FARS2: variants seen among roughly 807,000 people sequenced by gnomAD.
The protein encoded by FARS2 is phenylalanine--tRNA ligase, mitochondrial.
A neutral mutation model predicts 46.4 loss-of-function variants in FARS2; 40 were observed. The ratio of observed to expected loss-of-function variants is 0.86; its 90% confidence interval spans 0.67 to 1.12. FARS2 has a LOEUF of 1.12. Ranked by LOEUF, FARS2 falls within the 50% of genes most tolerant of loss-of-function variation. The probability of loss-of-function intolerance (pLI) is 0.00; values close to 1 mark genes in which losing one functional copy is unlikely to be tolerated. For missense variants in FARS2, 513 were observed against 567.9 expected, an observed-to-expected ratio of 0.90 and a Z score of 0.98; for synonymous variants, 234 against 214.9, an observed-to-expected ratio of 1.09 and a Z score of -0.78.
rs1028685713 is a variant in FARS2, at chr6:5,764,545, T to C, written c.1218-6746T>C. On this transcript the variant is annotated intron_variant, in intron 6 of 6. Transcript: ENST00000274680. This position sits in a 1 kb window ranked among gnomAD's most constrained non-coding sequence, Gnocchi z 4.1. ...CGGGGAAACCCAGTGTTTGTTACTC[T>C]GAAAATGGAAGCTGCCCCGTGACAG... Among the ~76,000 whole-genome samples, 3 of 152,154 alleles carry C rather than the reference T, an allele frequency of 2.0e-5. No homozygotes were observed. Among genetic ancestry groups the C allele is most frequent in the Non-Finnish European group, 4.4e-5 (3 of 68,022 alleles).
At position 5,765,395 on chromosome 6, in the gene FARS2, G is replaced by A. The variant is rs1472703508; in HGVS notation, c.1218-5896G>A. On this transcript the variant is annotated intron_variant, in intron 6 of 6. Coordinates refer to ENST00000274680, the MANE Select transcript of FARS2 (RefSeq NM_006567.5). The surrounding 1 kb of genome is among the most constrained non-coding windows in gnomAD (Gnocchi z 4.0). The stretch of plus-strand genomic sequence containing the variant: ...AAGGGGAGCTGACGGGCGGCAGTGG[G>A]AGAGTGGAAGAGGTGGGCCCTGGGC... Among the ~76,000 whole-genome samples the A allele has an allele frequency of 6.6e-6, 1 of 152,266 alleles. No homozygotes were observed. The highest frequency in any genetic ancestry group is 1.5e-5 in the Non-Finnish European group (1 of 68,048).
chr6:5,458,825 A>C (rs193063622), intron 4 of FARS2, among the ~76,000 whole-genome samples: 4 of 152,340 alleles, frequency 2.6e-5, no homozygotes, highest in Admixed American at 2.6e-4. Flanking sequence ...ATTTGATTGC[A>C]GGAAGAATGA....
chr6:5,534,170 A>T (rs1228739482), intron 4 of FARS2, among the ~76,000 whole-genome samples: 1 of 152,234 alleles, frequency 6.6e-6, no homozygotes, highest in Non-Finnish European at 1.5e-5. Flanking sequence ...GTGATGAGAA[A>T]AAATATATGT....
At chr6:5,647,985 A>G (rs190652118) in intron 6 of FARS2, among the ~76,000 whole-genome samples, 22 of 152,342 alleles carry the variant, frequency 1.4e-4, no homozygotes, top group South Asian at 6.2e-4. Context: ...GAATGGAAGT[A>G]ATAATATTTT....
At chr6:5,328,580 A>G (rs988083688) in intron 1 of FARS2, among the ~76,000 whole-genome samples, 1 of 151,916 alleles carries the variant, frequency 6.6e-6, no homozygotes, top group Non-Finnish European at 1.5e-5. Context: ...CCTCTGGTCC[A>G]TCATGTCTCC....
chr6:5,472,907 C>A (rs547069378), intron 4 of FARS2, among the ~76,000 whole-genome samples: 1 of 152,196 alleles, frequency 6.6e-6, no homozygotes, highest in Admixed American at 6.5e-5. Context: ...ATACAGAGAG[C>A]ACACATTCAG....
At chr6:5,358,703 C>G (rs1758096745) in intron 1 of FARS2, among the ~76,000 whole-genome samples, 1 of 152,144 alleles carries the variant, frequency 6.6e-6, no homozygotes, top group African/African-American at 2.4e-5. Flanking sequence ...TCTTTAGACA[C>G]TTCAGATTAA....
In FARS2 at chr6:5,509,843, C is replaced by T. The variant is rs546592724; in HGVS notation, c.905-35337C>T. 3.3e-5 allele frequency among the ~76,000 whole-genome samples: 5 copies of T among 152,344 alleles called. No individual in the cohort carries two copies. The East Asian group carries it at 9.6e-4, about 29-fold the overall frequency. On this transcript the variant is annotated intron_variant, in intron 4 of 6. Transcript: ENST00000274680. ...AACACAACATCTATATATACCAACA[C>T]ATAGCATATGCACACTCCTCTACAT...
chr6:5,296,129 C>CTTTTTTT lies in FARS2; in HGVS notation c.-22+34493_-22+34499dup, dbSNP rs70974187. ...CAAACATAAAAATTATCATTTTGGC[C>CTTTTTTT]TTTTTTTTTTTTTTTTTTTTTTTTT... On this transcript the variant is annotated intron_variant, in intron 1 of 6. Transcript: ENST00000274680. Among the ~76,000 whole-genome samples, 123 of 55,072 alleles carry CTTTTTTT rather than the reference C, an allele frequency of 2.2e-3. 23 individuals are homozygous for CTTTTTTT. The highest frequency in any genetic ancestry group is 0.01 in the African/African-American group (115 of 11,294). The allele number at this position is 55,072 out of a possible 152,430, so 36.1% of individuals were successfully genotyped here.
At chr6:5,584,530 T>C (rs1484624230) in intron 5 of FARS2, among the ~76,000 whole-genome samples, 1 of 152,140 alleles carries the variant, frequency 6.6e-6, no homozygotes, top group Admixed American at 6.6e-5. Flanking sequence ...CCTTCCTCTT[T>C]CTTTTTCTCT....
intron 4 of FARS2, among the ~76,000 whole-genome samples, chr6:5,517,090 G>A (rs913812543): frequency 9.2e-5 from 14 of 152,076 alleles, no homozygotes; most frequent in Admixed American, 7.9e-4. Flanking sequence ...GAGTGTCTGC[G>A]TTTCGCACAG....
intron 5 of FARS2, among the ~76,000 whole-genome samples, chr6:5,557,058 A>T (rs1771705649): frequency 6.6e-6 from 1 of 152,190 alleles, no homozygotes; most frequent in African/African-American, 2.4e-5. Context: ...GTAGAAAGAG[A>T]TCATCAGAAT....
At chr6:5,406,591 A>G (rs1008441623) in intron 3 of FARS2, among the ~76,000 whole-genome samples, 2 of 152,148 alleles carry the variant, frequency 1.3e-5, no homozygotes, top group African/African-American at 4.8e-5. Flanking sequence ...AAATTCATCC[A>G]TATCATAGTG....
At chr6:5,613,355 A>G (rs908084919) in intron 6 of FARS2, 35 bp downstream of exon 6, 1 of 1,586,688 alleles carries the variant, frequency 6.3e-7, no homozygotes, top group African/African-American at 1.3e-5. Context: ...ACCCTTGACT[A>G]TCTCTGTGTG....
intron 4 of FARS2, among the ~76,000 whole-genome samples, chr6:5,537,788 A>T (rs1770312347): frequency 6.6e-6 from 1 of 152,196 alleles, no homozygotes; most frequent in African/African-American, 2.4e-5. Flanking sequence ...TCAAGTTCTA[A>T]GATAAATTTT....
chr6:5,730,850 C>T (rs182445061), intron 6 of FARS2, among the ~76,000 whole-genome samples: 20 of 152,262 alleles, frequency 1.3e-4, no homozygotes, highest in African/African-American at 2.6e-4. Context: ...GAGCTTTATA[C>T]GGATTAACTC....
At chr6:5,692,832 G>A (rs931953172) in intron 6 of FARS2, among the ~76,000 whole-genome samples, 1 of 152,116 alleles carries the variant, frequency 6.6e-6, no homozygotes, top group African/African-American at 2.4e-5. Context: ...ATATTTAAAA[G>A]GTGTCAGAAA....
At chr6:5,432,474 T>TA (rs1763274203) in intron 4 of FARS2, among the ~76,000 whole-genome samples, 1 of 129,664 alleles carries the variant, frequency 7.7e-6, no homozygotes, top group South Asian at 2.2e-4. Context: ...ATATATATTT[T>TA]TTATATATAA....
rs375557267 is a variant in FARS2 at position 5,472,148 on chromosome 6, C to T, written c.904+40976C>T. Among the ~76,000 whole-genome samples, 13 of 152,278 alleles carry T rather than the reference C, an allele frequency of 8.5e-5. No homozygotes were observed. The East Asian group carries it at 1.3e-3, about 16-fold the overall frequency. ...TGGAATAGATGTATATTAATGACGA[C>T]GCATGACTAATAGGATTGGGGCTGG... On this transcript the variant is annotated intron_variant, in intron 4 of 6. Transcript: ENST00000274680.
Sources: gnomAD v4.1 joint callset for allele counts (sites outside exome capture counted in the v4.1 genomes callset) on GRCh38, gnomAD v4.1.1 for gene constraint, Gnocchi (gnomAD v3.1) non-coding constraint, MANE v1.5 for transcripts, NCBI Gene and HGNC (gene_info 2026-07-23, HGNC 2026-07-21) for gene names.